CCSER2: variants seen among roughly 807,000 people sequenced by gnomAD.
CCSER2 encodes serine-rich coiled-coil domain-containing protein 2.
CCSER2 carries 46 observed loss-of-function variants against 92.3 expected under a neutral mutation model. The ratio of observed to expected loss-of-function variants is 0.50; its 90% CI spans 0.39 to 0.64. The LOEUF (loss-of-function observed/expected upper bound fraction) is 0.64. CCSER2 is among the 30% of genes least tolerant of loss of function. CCSER2 has a pLI of 0.00. For synonymous variants in CCSER2, 433 were observed against 431.4 expected (o/e 1.00, Z -0.04); for missense variants, 1,244 against 1,238.9 (o/e 1.00, Z -0.06).
chr10:84,490,076 C>G (rs1467798770), intron 9 of CCSER2, among the ~76,000 whole-genome samples: 1 of 152,202 alleles, frequency 6.6e-6, no homozygotes, highest in Non-Finnish European at 1.5e-5. Context: ...CCCCCACTCT[C>G]TTCTGGCTTG....
At chr10:84,353,100 A>G (rs1236914103) in intron 1 of CCSER2, among the ~76,000 whole-genome samples, 1 of 152,186 alleles carries the variant, frequency 6.6e-6, no homozygotes, top group African/African-American at 2.4e-5. Flanking sequence ...CCTAAGATAC[A>G]ATTCTTATAA....
chr10:84,394,002 A>G (rs1841678373), intron 3 of CCSER2: 2 of 152,250 alleles, frequency 1.3e-5, no homozygotes, highest in East Asian at 1.9e-4. Flanking sequence ...CTCCAACTCC[A>G]GTAGTGAATC....
At position 84,404,283 on chromosome 10, in the gene CCSER2, T is replaced by G. The variant is rs1842266804; in HGVS notation, c.1615-13488T>G. ...AACCCCTTCGAAACAAACTTACCCC[T>G]CCAGTTCCTTTTGTTGATGGGGAAG... On this transcript the variant is annotated intron_variant, in intron 3 of 9. Coordinates refer to ENST00000372088, the MANE Select transcript of CCSER2 (RefSeq NM_001284240.2). Among the ~76,000 whole-genome samples the G allele has an allele frequency of 3.3e-5, 5 of 152,316 alleles. No homozygotes were observed. In the South Asian group the frequency reaches 8.3e-4, roughly 25 times the overall value.
At position 84,355,947 on chromosome 10, in the gene CCSER2, A is replaced by G. The variant is rs143779908; in HGVS notation, c.-39-15067A>G. 2.4e-3 allele frequency among the ~76,000 whole-genome samples: 367 copies of G among 152,236 alleles called. 1 individual carries two copies. Among genetic ancestry groups the G allele is most frequent in the African/African-American group, 8.5e-3 (351 of 41,528 alleles). ...GTGAAACCCTGTCTCTACTAAAAATACAAAAATTAGCTGGATGTAGTGGCG... is the reference window on the plus strand; with the variant it reads ...GTGAAACCCTGTCTCTACTAAAAATGCAAAAATTAGCTGGATGTAGTGGCG... On this transcript the variant is annotated intron_variant, in intron 1 of 9. Transcript: ENST00000372088.
In CCSER2 at chr10:84,428,134, G is replaced by C. The variant is rs146185250; in HGVS notation, c.1868+2241G>C. Among the ~76,000 whole-genome samples, 176 of 152,212 alleles carry C rather than the reference G, an allele frequency of 1.2e-3. 5 individuals are homozygous for C. The East Asian group carries it at 0.028, about 25-fold the overall frequency. ...ATGTACATGAGTCATTTAACCCTCT[G>C]TTTGCTTAGTCCTGTAGGACAGTGG... On this transcript the variant is annotated intron_variant, in intron 5 of 9. Transcript: ENST00000372088.
intron 3 of CCSER2, among the ~76,000 whole-genome samples, chr10:84,415,033 A>T (rs76707143): frequency 0.076 from 11,576 of 152,086 alleles, 497 homozygotes; most frequent in Middle Eastern, 0.12. Context: ...AGCTATTTTG[A>T]CTATCAGCTC....
At chr10:84,445,991 T>C (rs1029188343) in intron 6 of CCSER2, among the ~76,000 whole-genome samples, 5 of 152,208 alleles carry the variant, frequency 3.3e-5, no homozygotes, top group Admixed American at 6.5e-5. Context: ...GGGTTAATTA[T>C]AAGTTGGGTA....
intron 6 of CCSER2, among the ~76,000 whole-genome samples, chr10:84,451,105 G>A (rs1564677378): frequency 2.0e-5 from 3 of 151,660 alleles, no homozygotes; most frequent in African/African-American, 7.3e-5. Flanking sequence ...GGAGAAAGGG[G>A]AAAAAACCCT....
At chr10:84,490,790 C>T (rs1410107392) in intron 9 of CCSER2, among the ~76,000 whole-genome samples, 3 of 152,208 alleles carry the variant, frequency 2.0e-5, no homozygotes, top group Admixed American at 1.3e-4. Flanking sequence ...CGAGGAGCTG[C>T]GTTCCTTTGG....
chr10:84,481,921 A>G (rs1012831738), intron 9 of CCSER2, among the ~76,000 whole-genome samples: 2 of 152,182 alleles, frequency 1.3e-5, no homozygotes, highest in Non-Finnish European at 2.9e-5. Context: ...GCCTGTAGCT[A>G]CATGTGACTG....
At chr10:84,492,383 G>C (rs1848224384) in intron 9 of CCSER2, among the ~76,000 whole-genome samples, 1 of 148,828 alleles carries the variant, frequency 6.7e-6, no homozygotes, top group African/African-American at 2.4e-5. Context: ...TCTGTAGTTT[G>C]GGGTTTTCTA....
intron 3 of CCSER2, among the ~76,000 whole-genome samples, chr10:84,383,266 TTAACTC>T (rs1841010846): frequency 6.6e-6 from 1 of 152,262 alleles, no homozygotes; most frequent in Admixed American, 6.5e-5. Flanking sequence ...CTTGGGTTAT[TTAACTC>T]TAAGGAAGAG....
At chr10:84,377,963 T>A (rs1480799101) in intron 3 of CCSER2, among the ~76,000 whole-genome samples, 2 of 152,218 alleles carry the variant, frequency 1.3e-5, no homozygotes, top group African/African-American at 4.8e-5. Flanking sequence ...TATAATAATT[T>A]GCCTTTGGAT....
chr10:84,441,460 C>A (rs1844529531), intron 6 of CCSER2, among the ~76,000 whole-genome samples: 1 of 152,014 alleles, frequency 6.6e-6, no homozygotes, highest in African/African-American at 2.4e-5. Flanking sequence ...TGTATTCTTT[C>A]TCTTTTTAAA....
intron 9 of CCSER2, among the ~76,000 whole-genome samples, chr10:84,510,733 A>T (rs562194176): frequency 1.3e-5 from 2 of 152,288 alleles, no homozygotes; most frequent in Non-Finnish European, 2.9e-5. Flanking sequence ...ATCAGAACAC[A>T]TCTCTGCCTT....
At chr10:84,431,860 A>T (rs1843789150) in intron 5 of CCSER2, among the ~76,000 whole-genome samples, 1 of 152,226 alleles carries the variant, frequency 6.6e-6, no homozygotes, top group Non-Finnish European at 1.5e-5. Flanking sequence ...AACTGCTGTA[A>T]ACATTTATAT....
At chr10:84,359,355 T>G (rs951696789) in intron 1 of CCSER2, among the ~76,000 whole-genome samples, 2 of 152,026 alleles carry the variant, frequency 1.3e-5, no homozygotes, top group Admixed American at 6.6e-5. Flanking sequence ...TATGTGAGGG[T>G]CAGGTCAAGA....
intron 4 of CCSER2, among the ~76,000 whole-genome samples, chr10:84,419,253 G>T (rs187715092): frequency 6.6e-6 from 1 of 151,224 alleles, no homozygotes; most frequent in Non-Finnish European, 1.5e-5. Context: ...GTTAGAGAGC[G>T]TATTCTAAAG....
At chr10:84,479,217 C>T (rs1847323125) in intron 9 of CCSER2, among the ~76,000 whole-genome samples, 1 of 152,204 alleles carries the variant, frequency 6.6e-6, no homozygotes, top group African/African-American at 2.4e-5. Context: ...TAGGAATCAT[C>T]TGGCCAAATA....
Sources: allele counts gnomAD v4.1 joint callset (sites outside exome capture counted in the v4.1 genomes callset), GRCh38; gene constraint gnomAD v4.1.1; transcripts MANE v1.5; gene names NCBI Gene and HGNC (gene_info 2026-07-23, HGNC 2026-07-21).